Variants in NOP9 observed in about 807,000 individuals in gnomAD.
The protein encoded by NOP9 is nucleolar protein 9.
Under a neutral mutation model 63.0 loss-of-function variants are expected in NOP9, and 50 were observed. The observed-to-expected ratio is 0.79, with a 90% CI of 0.63 to 1.00. The LOEUF (loss-of-function observed/expected upper bound fraction) is 1.00, where lower values mean the gene tolerates loss of function less well. Among genes scored for constraint, NOP9 ranks in the 50% least tolerant of loss-of-function variants. NOP9 has a pLI of 0.00. For synonymous variants in NOP9, 343 were observed against 332.8 expected (o/e 1.03, Z -0.33); for missense variants, 758 against 803.0 (o/e 0.94, Z 0.68).
the NOP9 span, among the ~76,000 whole-genome samples, chr14:24,283,011 A>G: frequency 6.6e-6 from 1 of 152,094 alleles, no homozygotes; most frequent in South Asian, 2.1e-4. Context: ...GAACTGCAGA[A>G]CTCTCAGCAC....
chr14:24,291,507 T>A, the NOP9 span: 67 of 1,584,048 alleles, frequency 4.2e-5, no homozygotes, highest in Non-Finnish European at 5.6e-5. Context: ...GCTACCGCAC[T>A]ACACATCCTC....
chr14:24,303,604 AT>A, intron 6 of NOP9, 127 bp from the exon 7 acceptor site: 1 of 925,128 alleles, frequency 1.1e-6, no homozygotes, highest in Non-Finnish European at 1.7e-6. Flanking sequence ...AAGGCATGAC[AT>A]CTGCTTTCAT....
At chr14:24,301,441 G>A (rs997245517) in intron 2 of NOP9, 171 bp from the exon 3 acceptor site, 2 of 369,232 alleles carry the variant, frequency 5.4e-6, no homozygotes, top group South Asian at 1.1e-4. Flanking sequence ...AAGTTTCTTA[G>A]AAAAATTAAG....
chr14:24,294,776 A>G, the NOP9 span: 2 of 152,372 alleles, frequency 1.3e-5, no homozygotes, highest in Non-Finnish European at 2.9e-5. Context: ...AAGAGCCAAT[A>G]AACAAAGGGG....
chr14:24,276,976 A>G, the NOP9 span, among the ~76,000 whole-genome samples: 1 of 152,188 alleles, frequency 6.6e-6, no homozygotes, highest in Non-Finnish European at 1.5e-5. Context: ...GAAGGAGGTT[A>G]GAAAACCCCC....
At chr14:24,304,872 T>A (rs2041451669) in intron 9 of NOP9, 66 bp from the exon 10 acceptor site, 1 of 1,468,006 alleles carries the variant, frequency 6.8e-7, no homozygotes, top group Non-Finnish European at 9.1e-7. Context: ...AATGGAGGGA[T>A]CTTTACGTCA....
chr14:24,305,988 C>T lies in NOP9; in HGVS notation c.*893C>T. 1.2e-6 allele frequency: 2 copies of T among 1,614,114 alleles called. No homozygotes were observed. The highest frequency in any genetic ancestry group is 1.7e-6 in the Non-Finnish European group (2 of 1,180,004). ...GGCCAAGTCCTTGAAAGTCACAACT[C>T]ATAGAGTAGAGCCCGTAGAATGTGG... On this transcript the variant is annotated 3_prime_UTR_variant, in exon 10 of 10. Transcript: ENST00000267425.
chr14:24,277,690 T>C, the NOP9 span, among the ~76,000 whole-genome samples: 7 of 152,154 alleles, frequency 4.6e-5, no homozygotes, highest in South Asian at 2.1e-4. Context: ...CAGAAGACGC[T>C]TTCTTGCTGG....
chr14:24,285,228 CTG>C, the NOP9 span, among the ~76,000 whole-genome samples: 1 of 152,314 alleles, frequency 6.6e-6, no homozygotes, highest in South Asian at 2.1e-4. Context: ...TTAGAGGAGA[CTG>C]GGGCTGGGCC....
chr14:24,304,642 C>A, intron 9 of NOP9, 44 bp downstream of exon 9: 1 of 1,413,558 alleles, frequency 7.1e-7, no homozygotes, highest in Non-Finnish European at 9.7e-7. Flanking sequence ...ACTCTCCCCT[C>A]TCTTACTCCA....
the NOP9 span, among the ~76,000 whole-genome samples, chr14:24,286,794 A>G: frequency 3.3e-5 from 5 of 151,280 alleles, no homozygotes; most frequent in Admixed American, 2.6e-4. Context: ...GGGTTTCACC[A>G]TGTTAGCCAG....
the NOP9 span, among the ~76,000 whole-genome samples, chr14:24,284,818 C>T: frequency 1.3e-5 from 2 of 152,108 alleles, no homozygotes; most frequent in Non-Finnish European, 2.9e-5. Flanking sequence ...GGCCCAGCCG[C>T]CTGCCTGGGT....
chr14:24,299,968 C>T lies in NOP9; in HGVS notation c.14C>T (p.Pro5Leu), dbSNP rs780009697. 1.1e-5 allele frequency: 18 copies of T among 1,572,244 alleles called. No individual in the cohort carries two copies. The East Asian group carries it at 1.6e-4, about 14-fold the overall frequency. Reference protein sequence around the residue: MGQGPRSPHKVGRRF... With the variant: MGQGLRSPHKVGRRF... ...CGCGAAGCACACATGGGGCAGGGTC[C>T]GCGCTCTCCACACAAGGTGGGGCGC... Residue 5 changes from proline to leucine, a missense_variant, in exon 1 of 10, where the codon CCG becomes CTG. By Grantham distance (98) the Pro-to-Leu change is moderately conservative. Transcript: ENST00000267425.
In NOP9 at chr14:24,307,547, C is replaced by T. The variant is rs766313583; in HGVS notation, c.*2452C>T. 10 of 1,604,404 alleles carry T rather than the reference C, an allele frequency of 6.2e-6. No individual in the cohort carries two copies. Among genetic ancestry groups the T allele is most frequent in the Admixed American group, 1.7e-5 (1 of 59,414 alleles). On this transcript the variant is annotated 3_prime_UTR_variant, in exon 10 of 10. Transcript: ENST00000267425. The stretch of plus-strand genomic sequence containing the variant: ...GTTGAGAAGAAAAGTCAAGAAGGGG[C>T]GAGGAGGGGCTTGGTGAGTGTAAAG...
chr14:24,278,936 T>C, the NOP9 span, among the ~76,000 whole-genome samples: 1 of 152,112 alleles, frequency 6.6e-6, no homozygotes, highest in East Asian at 1.9e-4. Flanking sequence ...GGAGAGAAGA[T>C]TCAAGGGGCA....
chr14:24,284,840 G>A, the NOP9 span, among the ~76,000 whole-genome samples: 1,052 of 152,206 alleles, frequency 6.9e-3, 9 homozygotes, highest in African/African-American at 0.024. Flanking sequence ...TGTCCACTGG[G>A]CCCTCGTGTG....
At chr14:24,289,333 C>A in the NOP9 span, among the ~76,000 whole-genome samples, 1 of 152,086 alleles carries the variant, frequency 6.6e-6, no homozygotes, top group Non-Finnish European at 1.5e-5. Context: ...CCCTATGTTG[C>A]CCAGGTTGGT....
chr14:24,304,864 T>G (rs1225532660), intron 9 of NOP9, 74 bp from the exon 10 acceptor site: 1 of 1,451,556 alleles, frequency 6.9e-7, no homozygotes, highest in Non-Finnish European at 9.2e-7. Context: ...CTGGGGGAAA[T>G]GGAGGGATCT....
Position 24,307,512 on chromosome 14 carries a change from T to C in NOP9, c.*2417T>C, listed in dbSNP as rs749783952. 3.1e-6 allele frequency: 5 copies of C among 1,612,972 alleles called. No homozygotes were observed. In the South Asian group the frequency reaches 5.5e-5, roughly 18 times the overall value. On this transcript the variant is annotated 3_prime_UTR_variant, in exon 10 of 10. Coordinates refer to ENST00000267425, the MANE Select transcript of NOP9 (RefSeq NM_174913.3). ...CAAACTCCGAGCTTATATTAGATAC[T>C]GACCTGGTAGTTGAGAAGAAAAGTC... is the stretch of plus-strand genomic sequence containing the variant.
Sources: allele counts gnomAD v4.1 joint callset (sites outside exome capture counted in the v4.1 genomes callset), GRCh38; gene constraint gnomAD v4.1.1; transcripts MANE v1.5; gene names NCBI Gene and HGNC (gene_info 2026-07-23, HGNC 2026-07-21).